Variants in DPYSL3 observed in about 807,000 individuals in gnomAD.
The protein encoded by DPYSL3 is dihydropyrimidinase like 3.
A neutral mutation model predicts 66.1 loss-of-function variants in DPYSL3; 16 were observed. That is an observed-to-expected ratio of 0.24 (90% confidence interval 0.16 to 0.37). The LOEUF is 0.37. Ranked by LOEUF, DPYSL3 falls within the 10% of genes least tolerant of loss-of-function variation. The pLI is 1.00. For synonymous variants in DPYSL3, 338 were observed against 345.1 expected (o/e 0.98, Z 0.23); for missense variants, 738 against 916.2 (o/e 0.81, Z 2.51).
chr5:147,495,520 T>C (rs1025078188), intron 1 of DPYSL3, among the ~76,000 whole-genome samples: 1 of 152,122 alleles, frequency 6.6e-6, no homozygotes, highest in African/African-American at 2.4e-5. Flanking sequence ...GCCCAAAATC[T>C]CCTCAAGCTG....
At chr5:147,492,679 A>G (rs1753433552) in intron 1 of DPYSL3, among the ~76,000 whole-genome samples, 1 of 152,190 alleles carries the variant, frequency 6.6e-6, no homozygotes, top group Non-Finnish European at 1.5e-5. Flanking sequence ...AGAAGTATAA[A>G]TGATATGCTA....
intron 1 of DPYSL3, among the ~76,000 whole-genome samples, chr5:147,477,509 A>G (rs1261976119): frequency 2.0e-5 from 3 of 148,518 alleles, no homozygotes; most frequent in Non-Finnish European, 4.5e-5. Context: ...GTGAATCCTC[A>G]GATTCAGAAA....
intron 1 of DPYSL3, among the ~76,000 whole-genome samples, chr5:147,463,489 G>A (rs758655300): frequency 2.6e-5 from 4 of 152,102 alleles, no homozygotes; most frequent in Non-Finnish European, 4.4e-5. Context: ...GAAGCAGATG[G>A]GTGGACCTAA....
At chr5:147,477,951 G>T (rs1046117941) in intron 1 of DPYSL3, among the ~76,000 whole-genome samples, 41 of 152,180 alleles carry the variant, frequency 2.7e-4, no homozygotes, top group African/African-American at 9.9e-4. Context: ...AGAGAGAAAA[G>T]GAAGACTGCC....
In DPYSL3 at chr5:147,424,882, A is replaced by C; in HGVS notation, c.463T>G (p.Leu155Val). ...AGAATTCCATATACATACTTTATTAAGCCATCTTCCATGTAAATATCAGCA... is the reference window on the plus strand; with the variant it reads ...AGAATTCCATATACATACTTTATTACGCCATCTTCCATGTAAATATCAGCA... ...FYADIYMEDG[L>V]IKQIGDNLIV... is the part of the protein sequence containing the mutation. Residue 155 changes from leucine (L) to valine (V), a missense_variant, in exon 2 of 14, where the codon TTA becomes GTA. Physicochemically the swap from Leu to Val is conservative, Grantham distance 32 (BLOSUM62 1). Coordinates refer to ENST00000343218, the MANE Select transcript of DPYSL3 (RefSeq NM_001197294.2). 6.2e-7 allele frequency: 1 copy of C among 1,608,738 alleles called. No homozygotes were observed. The highest frequency in any genetic ancestry group is 2.2e-5 in the East Asian group (1 of 44,750).
intron 8 of DPYSL3, 25 bp from the exon 9 acceptor site, chr5:147,401,721 G>A (rs758228195): frequency 1.7e-5 from 27 of 1,613,504 alleles, no homozygotes; most frequent in Non-Finnish European, 1.4e-5. Context: ...AAACAGACAA[G>A]GGGTTAGCAT....
chr5:147,488,890 C>T (rs985849831), intron 1 of DPYSL3, among the ~76,000 whole-genome samples: 5 of 151,592 alleles, frequency 3.3e-5, no homozygotes, highest in Admixed American at 6.6e-5. Flanking sequence ...TGGTAGGCAC[C>T]GATAATCCCA....
chr5:147,485,346 C>T, intron 1 of DPYSL3, among the ~76,000 whole-genome samples: 1 of 152,088 alleles, frequency 6.6e-6, no homozygotes, highest in Non-Finnish European at 1.5e-5. Context: ...GATTTTTAAG[C>T]CAAAGAGCTG....
At chr5:147,466,823 C>T (rs975024430) in intron 1 of DPYSL3, among the ~76,000 whole-genome samples, 1 of 152,154 alleles carries the variant, frequency 6.6e-6, no homozygotes, top group African/African-American at 2.4e-5. Flanking sequence ...TGTTCCAGGG[C>T]CATTGGCCTC....
chr5:147,472,832 C>T (rs1753104279), intron 1 of DPYSL3: 1 of 152,122 alleles, frequency 6.6e-6, no homozygotes, highest in Admixed American at 6.5e-5. Flanking sequence ...CCTATTTACC[C>T]TCATCTGCAG....
rs558924321 is a variant in DPYSL3 at position 147,442,658 on chromosome 5, C to CA, written c.382-17696dup. On this transcript the variant is annotated intron_variant, in intron 1 of 13. Coordinates refer to ENST00000343218, the MANE Select transcript of DPYSL3 (RefSeq NM_001197294.2). ...GATCTCGGAAAAAATCAAAACAATG[C>CA]AAAAAAAATGAGATTCATTTAACTA... Among the ~76,000 whole-genome samples, 129 of 150,210 alleles carry CA rather than the reference C, an allele frequency of 8.6e-4. 2 individuals carry two copies. Among genetic ancestry groups the CA allele is most frequent in the African/African-American group, 1.4e-3 (58 of 40,904 alleles).
intron 1 of DPYSL3, among the ~76,000 whole-genome samples, chr5:147,507,764 G>A (rs1445229904): frequency 6.6e-6 from 1 of 152,148 alleles, no homozygotes; most frequent in Non-Finnish European, 1.5e-5. Flanking sequence ...GTAGCCAAAA[G>A]TATAGGGTTT....
intron 1 of DPYSL3, among the ~76,000 whole-genome samples, chr5:147,499,624 G>A (rs1753572892): frequency 6.6e-6 from 1 of 152,162 alleles, no homozygotes; most frequent in African/African-American, 2.4e-5. Flanking sequence ...CTAGATGTCA[G>A]TTCCTCCCAA....
At chr5:147,447,221 T>G (rs1482166488) in intron 1 of DPYSL3, among the ~76,000 whole-genome samples, 1 of 152,168 alleles carries the variant, frequency 6.6e-6, no homozygotes, top group Non-Finnish European at 1.5e-5. Context: ...TTCCCTACAA[T>G]CTAATTAACA....
At chr5:147,501,474 A>G (rs1021501862) in intron 1 of DPYSL3, among the ~76,000 whole-genome samples, 18 of 143,578 alleles carry the variant, frequency 1.3e-4, no homozygotes, top group East Asian at 2.0e-4. Flanking sequence ...TTGTGGTGAT[A>G]ATGATTTTTT....
chr5:147,465,009 G>T (rs1396527767), intron 1 of DPYSL3, among the ~76,000 whole-genome samples: 1 of 152,104 alleles, frequency 6.6e-6, no homozygotes, highest in Non-Finnish European at 1.5e-5. Flanking sequence ...GACTAGCCTA[G>T]CCAACATAGC....
At chr5:147,429,890 G>T (rs73264219) in intron 1 of DPYSL3, among the ~76,000 whole-genome samples, 9,764 of 152,272 alleles carry the variant, frequency 0.064, 827 homozygotes, top group African/African-American at 0.18. Context: ...AGCCACTACT[G>T]ATAAAATCAG....
chr5:147,462,887 C>T (rs1752954794), intron 1 of DPYSL3, among the ~76,000 whole-genome samples: 1 of 152,114 alleles, frequency 6.6e-6, no homozygotes. Flanking sequence ...CAGAAAATTA[C>T]ACACTATCTG....
chr5:147,448,936 C>T (rs184893685), intron 1 of DPYSL3, among the ~76,000 whole-genome samples: 4 of 152,304 alleles, frequency 2.6e-5, no homozygotes, highest in East Asian at 3.9e-4. Context: ...ATCTAAGATG[C>T]TTTCCATTCT....
Sources: gnomAD v4.1 joint callset for allele counts (sites outside exome capture counted in the v4.1 genomes callset) on GRCh38, gnomAD v4.1.1 for gene constraint, MANE v1.5 for transcripts, NCBI Gene and HGNC (gene_info 2026-07-23, HGNC 2026-07-21) for gene names.